Variants in ATXN7L1 observed in about 807,000 individuals in gnomAD.
ATXN7L1 encodes ataxin 7 like 1.
ATXN7L1 carries 15 observed loss-of-function variants against 70.8 expected under a neutral mutation model. The observed-to-expected ratio is 0.21, with a 90% CI of 0.14 to 0.33. The LOEUF (loss-of-function observed/expected upper bound fraction) is 0.33. ATXN7L1 is among the 10% of genes least tolerant of loss of function. The pLI, the probability that ATXN7L1 is intolerant of heterozygous loss-of-function variation, is 1.00. For synonymous variants in ATXN7L1, 440 were observed against 445.1 expected (o/e 0.99, Z 0.14); for missense variants, 975 against 1,097.1 (o/e 0.89, Z 1.57).
At chr7:105,844,379 AC>A (rs538022017) in intron 2 of ATXN7L1, among the ~76,000 whole-genome samples, 3 of 152,246 alleles carry the variant, frequency 2.0e-5, no homozygotes, top group Non-Finnish European at 4.4e-5. Context: ...AGGATTATGT[AC>A]CATGAACAAG....
intron 2 of ATXN7L1, among the ~76,000 whole-genome samples, chr7:105,849,257 G>C (rs1439485210): frequency 6.6e-6 from 1 of 152,212 alleles, no homozygotes; most frequent in East Asian, 1.9e-4. Context: ...CACCACACCA[G>C]GGCGTCACTC....
chr7:105,614,920 G>T lies in ATXN7L1; in HGVS notation c.1518-104C>A. On this transcript the variant is annotated intron_variant, in intron 9 of 11. Transcript: ENST00000419735. The surrounding 1 kb of genome is among the most constrained non-coding windows in gnomAD (Gnocchi z 4.3). The stretch of plus-strand genomic sequence containing the variant: ...GATCAGGGCTACAGAGGACACCCCG[G>T]CAGAACCAGACTATGGAGAATGGAG... 7.5e-7 allele frequency: 1 copy of T among 1,337,344 alleles called. No homozygotes were observed. Among genetic ancestry groups the T allele is most frequent in the Non-Finnish European group, 1.0e-6 (1 of 992,698 alleles). 82.8% of individuals were successfully genotyped at this position (1,337,344 alleles called of 1,614,324 possible). A position where few individuals can be genotyped will look rare whatever the true frequency, so the allele number is the denominator to read the frequency against.
At chr7:105,627,272 T>C (rs1795839430) in intron 7 of ATXN7L1, among the ~76,000 whole-genome samples, 1 of 152,182 alleles carries the variant, frequency 6.6e-6, no homozygotes, top group African/African-American at 2.4e-5. Flanking sequence ...TCTTGCTCTG[T>C]CACCCAGGCT....
chr7:105,708,099 G>A (rs924614044), intron 3 of ATXN7L1, among the ~76,000 whole-genome samples: 1 of 152,196 alleles, frequency 6.6e-6, no homozygotes, highest in Non-Finnish European at 1.5e-5. Flanking sequence ...TGATCTAAGA[G>A]GAAGGACGTG....
chr7:105,609,221 G>A (rs1174676799), intron 11 of ATXN7L1, among the ~76,000 whole-genome samples: 1 of 151,982 alleles, frequency 6.6e-6, no homozygotes, highest in Non-Finnish European at 1.5e-5. Flanking sequence ...CCAGGCTGGA[G>A]TGCAATGGTG....
At chr7:105,640,247 G>T (rs1797977377) in intron 5 of ATXN7L1, among the ~76,000 whole-genome samples, 1 of 152,326 alleles carries the variant, frequency 6.6e-6, no homozygotes, top group Middle Eastern at 3.4e-3. Context: ...TGCAGAGAGG[G>T]CAGGGGCCTG....
At chr7:105,805,051 T>G (rs1346955358) in intron 2 of ATXN7L1, among the ~76,000 whole-genome samples, 3 of 152,140 alleles carry the variant, frequency 2.0e-5, no homozygotes, top group Non-Finnish European at 4.4e-5. Flanking sequence ...CTGTCTACAA[T>G]GAGGATCAGC....
At chr7:105,752,174 A>G (rs1345107710) in intron 3 of ATXN7L1, among the ~76,000 whole-genome samples, 1 of 152,214 alleles carries the variant, frequency 6.6e-6, no homozygotes, top group Non-Finnish European at 1.5e-5. Context: ...CCTTAACTGG[A>G]ACCTCATGAA....
At chr7:105,628,483 T>G (rs969055060) in intron 7 of ATXN7L1, among the ~76,000 whole-genome samples, 2 of 152,082 alleles carry the variant, frequency 1.3e-5, no homozygotes, top group African/African-American at 4.8e-5. Context: ...CATCTTACAC[T>G]TATAATACAT....
Position 105,614,780 on chromosome 7 carries a change from C to G in ATXN7L1, c.1554G>C (p.Ser518=). Residue 518 remains serine (S), a synonymous_variant, in exon 10 of 12, where the codon TCG becomes TCC. Transcript: ENST00000419735. The surrounding 1 kb of genome is among the most constrained non-coding windows in gnomAD (Gnocchi z 4.3). ...IPPAADSPLP[S]PAAHITTPVP... ...CGGGGGTGGTGATGTGGGCTGCTGGCGAGGGCAGGGGGCTATCTGCCGCAG... is the reference window on the plus strand; with the variant it reads ...CGGGGGTGGTGATGTGGGCTGCTGGGGAGGGCAGGGGGCTATCTGCCGCAG... The G allele has an allele frequency of 6.4e-7, 1 of 1,551,270 alleles. No individual in the cohort carries two copies. Among genetic ancestry groups the G allele is most frequent in the Non-Finnish European group, 8.7e-7 (1 of 1,146,794 alleles).
chr7:105,616,744 C>T (rs751149711), intron 9 of ATXN7L1, among the ~76,000 whole-genome samples: 2 of 152,178 alleles, frequency 1.3e-5, no homozygotes, highest in Non-Finnish European at 2.9e-5. Context: ...TACACACATC[C>T]TTAGAACTGT....
At position 105,667,453 on chromosome 7, in the gene ATXN7L1, A is replaced by G. The variant is rs182162334; in HGVS notation, c.356-2165T>C. On this transcript the variant is annotated intron_variant, in intron 3 of 11. Coordinates refer to ENST00000419735, the MANE Select transcript of ATXN7L1 (RefSeq NM_020725.2). ...GGTGGCTCACGCCTGTAATCCCAGC[A>G]CTTTGGGAGGCCGAGGCGGGCGGAT... Among the ~76,000 whole-genome samples the G allele has an allele frequency of 7.5e-3, 737 of 98,346 alleles. 65 individuals are homozygous for G. Among genetic ancestry groups the G allele is most frequent in the African/African-American group, 0.021 (706 of 33,384 alleles). 64.5% of individuals were successfully genotyped at this position (98,346 alleles called of 152,430 possible).
At chr7:105,847,854 A>G (rs2116623774) in intron 2 of ATXN7L1, among the ~76,000 whole-genome samples, 1 of 152,356 alleles carries the variant, frequency 6.6e-6, no homozygotes, top group Non-Finnish European at 1.5e-5. Flanking sequence ...TTCATACGAA[A>G]TGGCCCCTGC....
chr7:105,699,906 T>C (rs1355919513), intron 3 of ATXN7L1, among the ~76,000 whole-genome samples: 2 of 152,228 alleles, frequency 1.3e-5, no homozygotes, highest in South Asian at 2.1e-4. Flanking sequence ...CTTAGAGTTC[T>C]AATTTCCTGA....
At chr7:105,709,573 G>T (rs1793627660) in intron 3 of ATXN7L1, among the ~76,000 whole-genome samples, 1 of 152,028 alleles carries the variant, frequency 6.6e-6, no homozygotes, top group African/African-American at 2.4e-5. Context: ...CCAGGGTTAG[G>T]TACCAGACAA....
At chr7:105,858,921 C>T (rs1816133957) in intron 2 of ATXN7L1, among the ~76,000 whole-genome samples, 1 of 151,704 alleles carries the variant, frequency 6.6e-6, no homozygotes, top group African/African-American at 2.4e-5. Context: ...ATGTATTATA[C>T]ATATATTCAC....
At chr7:105,662,086 CTTTT>C (rs1801785731) in intron 4 of ATXN7L1, among the ~76,000 whole-genome samples, 2 of 70,538 alleles carry the variant, frequency 2.8e-5, no homozygotes, top group Non-Finnish European at 3.1e-5. Context: ...TTCCTTCTTT[CTTTT>C]CTTTTCTTTT....
At chr7:105,764,514 T>C (rs373451524) in intron 3 of ATXN7L1, among the ~76,000 whole-genome samples, 7 of 152,318 alleles carry the variant, frequency 4.6e-5, no homozygotes, top group East Asian at 3.9e-4. Context: ...TTCTGACACA[T>C]GACTACAAGT....
At chr7:105,652,998 C>T (rs1486084583) in intron 4 of ATXN7L1, among the ~76,000 whole-genome samples, 2 of 152,180 alleles carry the variant, frequency 1.3e-5, no homozygotes, top group African/African-American at 4.8e-5. Context: ...GAACCACCTC[C>T]ATCCAGAAAA....
Sources: allele counts gnomAD v4.1 joint callset (sites outside exome capture counted in the v4.1 genomes callset), GRCh38; gene constraint gnomAD v4.1.1; non-coding constraint Gnocchi (gnomAD v3.1); transcripts MANE v1.5; gene names NCBI Gene and HGNC (gene_info 2026-07-23, HGNC 2026-07-21).